COL22A1: variants seen among roughly 807,000 people sequenced by gnomAD.
COL22A1 encodes collagen alpha-1(XXII) chain.
COL22A1 carries 221 observed loss-of-function variants against 248.9 expected under a neutral mutation model. The observed-to-expected ratio is 0.89, with a 90% CI of 0.80 to 0.99. COL22A1 has a LOEUF of 0.99. COL22A1 is among the 50% of genes least tolerant of loss of function. COL22A1 has a pLI of 0.00. For synonymous variants in COL22A1, 891 were observed against 793.4 expected, an observed-to-expected ratio of 1.12 and a Z score of -2.07; for missense variants, 2,240 against 2,179.0, an observed-to-expected ratio of 1.03 and a Z score of -0.56.
intron 9 of COL22A1, among the ~76,000 whole-genome samples, chr8:138,810,172 C>T (rs529570403): frequency 1.9e-4 from 29 of 152,020 alleles, no homozygotes; most frequent in Non-Finnish European, 3.5e-4. Context: ...GGAGAGGACA[C>T]GAAGGAGGGA....
rs766284301 is a variant in COL22A1, at chr8:138,776,029, G to A, written c.1759-19C>T. 17 of 1,613,648 alleles carry A rather than the reference G, an allele frequency of 1.1e-5. No homozygotes were observed. The South Asian group carries it at 1.8e-4, about 17-fold the overall frequency. Reference sequence around the variant, plus strand: ...GGAGACCCTGGGGGACAAAGAAAGAGCAGTGACCCAACATCTTAATCTGGC... The same window carrying A: ...GGAGACCCTGGGGGACAAAGAAAGAACAGTGACCCAACATCTTAATCTGGC... On this transcript the variant is annotated intron_variant, in intron 15 of 64. Coordinates refer to ENST00000303045, the MANE Select transcript of COL22A1 (RefSeq NM_152888.3).
chr8:138,876,453 G>C (rs1823724263), intron 3 of COL22A1, among the ~76,000 whole-genome samples: 1 of 152,186 alleles, frequency 6.6e-6, no homozygotes, highest in African/African-American at 2.4e-5. Flanking sequence ...CCTGAGAATG[G>C]TTGCTGTGTC....
chr8:138,880,522 C>T (rs1238547336), intron 2 of COL22A1, among the ~76,000 whole-genome samples: 1 of 152,194 alleles, frequency 6.6e-6, no homozygotes, highest in Non-Finnish European at 1.5e-5. Context: ...CGAATTTACA[C>T]ACATACTCCC....
intron 1 of COL22A1, among the ~76,000 whole-genome samples, chr8:138,900,792 A>G (rs190228406): frequency 4.6e-5 from 7 of 152,290 alleles, no homozygotes. Flanking sequence ...CACCGGGTGT[A>G]GCAGTGTTCC....
chr8:138,909,441 C>T (rs1815281200), intron 1 of COL22A1, among the ~76,000 whole-genome samples: 1 of 151,598 alleles, frequency 6.6e-6, no homozygotes. Flanking sequence ...ACAACTCAGC[C>T]ACGGGGCAGG....
Position 138,755,083 on chromosome 8 carries a change from T to A in COL22A1, c.2031+74A>T, listed in dbSNP as rs1371315996. 2.1e-6 allele frequency: 3 copies of A among 1,450,464 alleles called. No individual in the cohort carries two copies. In the African/African-American group the frequency reaches 4.2e-5, roughly 20 times the overall value. The allele number at this position is 1,450,464 out of a possible 1,614,324, so 89.8% of individuals were successfully genotyped here. On this transcript the variant is annotated intron_variant, in intron 21 of 64. Transcript: ENST00000303045. ...ATAATGCCATGCTCAGCGCCGGGAA[T>A]GACTCTGATCTTCCAAACCCATTGG...
intron 12 of COL22A1, among the ~76,000 whole-genome samples, chr8:138,795,136 G>C (rs1334841814): frequency 6.6e-6 from 1 of 152,144 alleles, no homozygotes; most frequent in Non-Finnish European, 1.5e-5. Context: ...CTGAATTTGA[G>C]CATTTGGTTC....
At chr8:138,676,474 A>AAGGAAGGAAGAAAGAAAG in intron 41 of COL22A1, 84 bp downstream of exon 41, 2 of 645,504 alleles carry the variant, frequency 3.1e-6, no homozygotes, top group Non-Finnish European at 5.1e-6. Context: ...AGAAAGAAAG[A>AAGGAAGGAAGAAAGAAAG]AAAGAGTGTT....
At chr8:138,845,368 G>A (rs1280088094) in intron 3 of COL22A1, among the ~76,000 whole-genome samples, 2 of 151,922 alleles carry the variant, frequency 1.3e-5, no homozygotes, top group Non-Finnish European at 2.9e-5. Flanking sequence ...AATGAGTCGG[G>A]CATGGTGGTG....
chr8:138,786,496 T>A (rs1461750061), intron 12 of COL22A1, among the ~76,000 whole-genome samples: 1 of 152,236 alleles, frequency 6.6e-6, no homozygotes, highest in Non-Finnish European at 1.5e-5. Flanking sequence ...TTCATTAGTA[T>A]TAATATTAGT....
At chr8:138,882,932 GCTGA>G (rs1586958704) in intron 2 of COL22A1, 146 bp downstream of exon 2, 1 of 701,764 alleles carries the variant, frequency 1.4e-6, no homozygotes, top group African/African-American at 1.8e-5. Context: ...TTAGAAGGCA[GCTGA>G]CTCACACTTG....
In COL22A1 at chr8:138,612,683, T is replaced by C. The variant is rs554452421; in HGVS notation, c.3978+1184A>G. 1.2e-3 allele frequency among the ~76,000 whole-genome samples: 184 copies of C among 152,000 alleles called. 2 individuals carry two copies. In the South Asian group the frequency reaches 0.016, roughly 13 times the overall value. ...GGCTCACGCCTGTAATCCCAGCACT[T>C]TGGGAGGACAAGTGGGGCAGATCAC... is the stretch of plus-strand genomic sequence containing the variant. On this transcript the variant is annotated intron_variant, in intron 56 of 64. Transcript: ENST00000303045.
chr8:138,606,314 G>T, intron 58 of COL22A1, 67 bp downstream of exon 58: 2 of 1,372,566 alleles, frequency 1.5e-6, no homozygotes, highest in South Asian at 1.2e-5. Context: ...TGGCAGGGAA[G>T]GTACTGCATG....
At chr8:138,842,236 T>C (rs1008635286) in intron 4 of COL22A1, among the ~76,000 whole-genome samples, 6 of 152,220 alleles carry the variant, frequency 3.9e-5, no homozygotes, top group African/African-American at 1.4e-4. Flanking sequence ...GTGCATCTCA[T>C]GTGCTGTGAG....
At chr8:138,883,002 C>T in intron 2 of COL22A1, 80 bp downstream of exon 2, 1 of 1,275,996 alleles carries the variant, frequency 7.8e-7, no homozygotes, top group East Asian at 2.5e-5. Flanking sequence ...CTTGCATGCA[C>T]ACACCACAGC....
intron 45 of COL22A1, among the ~76,000 whole-genome samples, chr8:138,653,675 A>G (rs931630792): frequency 2.0e-5 from 3 of 152,216 alleles, no homozygotes; most frequent in Non-Finnish European, 2.9e-5. Flanking sequence ...CAGTTCTCCA[A>G]CTACCAGAAA....
At chr8:138,604,869 A>G in intron 58 of COL22A1, 100 bp from the exon 59 acceptor site, 1 of 1,038,328 alleles carries the variant, frequency 9.6e-7, no homozygotes, top group Non-Finnish European at 1.5e-6. Flanking sequence ...GTCATGTTCC[A>G]GCAAAGACAA....
At chr8:138,789,937 C>T (rs1486020660) in intron 12 of COL22A1, among the ~76,000 whole-genome samples, 1 of 152,208 alleles carries the variant, frequency 6.6e-6, no homozygotes, top group Admixed American at 6.5e-5. Context: ...CAGATAAAAT[C>T]ACCAGTGCTG....
intron 13 of COL22A1, among the ~76,000 whole-genome samples, chr8:138,780,235 C>T (rs978349184): frequency 2.0e-5 from 3 of 152,148 alleles, no homozygotes; most frequent in Non-Finnish European, 2.9e-5. Flanking sequence ...CCAAGTAACT[C>T]CCCTTTCTCC....
Sources: gnomAD v4.1 joint callset for allele counts (sites outside exome capture counted in the v4.1 genomes callset) on GRCh38, gnomAD v4.1.1 for gene constraint, MANE v1.5 for transcripts, NCBI Gene and HGNC (gene_info 2026-07-23, HGNC 2026-07-21) for gene names.